CALCR: variants seen among roughly 807,000 people sequenced by gnomAD.
CALCR encodes calcitonin receptor.
A neutral mutation model predicts 59.5 loss-of-function variants in CALCR; 47 were observed. The observed-to-expected ratio is 0.79, with a 90% confidence interval of 0.63 to 1.01. The LOEUF (loss-of-function observed/expected upper bound fraction) is 1.01, where lower values mean the gene tolerates loss of function less well. Among genes scored for constraint, CALCR ranks in the 50% least tolerant of loss-of-function variants. The pLI is 0.00. For missense variants in CALCR, 566 were observed against 597.1 expected (o/e 0.95, Z 0.54); for synonymous variants, 213 against 211.3 (o/e 1.01, Z -0.07).
At chr7:93,444,841 AT>A (rs1321039492) in intron 8 of CALCR, among the ~76,000 whole-genome samples, 2 of 152,066 alleles carry the variant, frequency 1.3e-5, no homozygotes, top group Non-Finnish European at 2.9e-5. Context: ...TTCTTACTTT[AT>A]TTTGAATTTG....
rs1182869187 is a variant in CALCR at position 93,568,553 on chromosome 7, CTCTG to C, written c.-27+5732_-27+5735del. On this transcript the variant is annotated intron_variant, in intron 2 of 13. Coordinates refer to ENST00000426151, the MANE Select transcript of CALCR (RefSeq NM_001742.4). ...TCTCTCTCTCTCTCTCTCTCTCTCT[CTCTG>C]TCTCTCTCCTGTAGTCTTTCATCTC... is the stretch of plus-strand genomic sequence containing the variant. 1.5e-3 allele frequency among the ~76,000 whole-genome samples: 201 copies of C among 137,644 alleles called. 4 individuals carry two copies. The highest frequency in any genetic ancestry group is 5.1e-3 in the African/African-American group (187 of 36,322). 90.3% of individuals were successfully genotyped at this position (137,644 alleles called of 152,430 possible). A position where few individuals can be genotyped will look rare whatever the true frequency, so the allele number is the denominator to read the frequency against.
chr7:93,488,582 G>GGAAAAAAAAAAAAAA (rs770479251), intron 2 of CALCR, among the ~76,000 whole-genome samples: 1 of 78,038 alleles, frequency 1.3e-5, no homozygotes, highest in Non-Finnish European at 2.4e-5. Context: ...CAAATGGAAA[G>GGAAAAAAAAAAAAAA]AAAAAAAAAA....
In CALCR at chr7:93,481,722, A is replaced by G. The variant is rs574502514; in HGVS notation, c.52-2215T>C. Reference sequence around the variant, plus strand: ...CTTCAAATGGACACCAATTGTGAATAAGGTTGACACTACTCTTTAAACATT... The same window carrying G: ...CTTCAAATGGACACCAATTGTGAATGAGGTTGACACTACTCTTTAAACATT... On this transcript the variant is annotated intron_variant, in intron 3 of 13. Coordinates refer to ENST00000426151, the MANE Select transcript of CALCR (RefSeq NM_001742.4). Among the ~76,000 whole-genome samples the G allele has an allele frequency of 9.2e-5, 14 of 152,024 alleles. 1 individual carries two copies. In the South Asian group the frequency reaches 2.9e-3, roughly 31 times the overall value.
At chr7:93,488,735 C>A (rs1190246086) in intron 2 of CALCR, among the ~76,000 whole-genome samples, 1 of 151,522 alleles carries the variant, frequency 6.6e-6, no homozygotes, top group Non-Finnish European at 1.5e-5. Flanking sequence ...ATATATGCAC[C>A]CTATACAGGA....
chr7:93,439,075 A>G (rs1234810465), intron 9 of CALCR, among the ~76,000 whole-genome samples: 5 of 152,194 alleles, frequency 3.3e-5, no homozygotes, highest in Non-Finnish European at 5.9e-5. Context: ...CAACAGTAGA[A>G]TATTGTTTGA....
intron 6 of CALCR, among the ~76,000 whole-genome samples, chr7:93,469,196 C>G (rs529406612): frequency 6.6e-6 from 1 of 151,906 alleles, no homozygotes; most frequent in African/African-American, 2.4e-5. Flanking sequence ...AATCGACTTT[C>G]CAAGCTGTCC....
At chr7:93,521,553 A>C (rs575971828) in intron 2 of CALCR, among the ~76,000 whole-genome samples, 1 of 152,302 alleles carries the variant, frequency 6.6e-6, no homozygotes, top group East Asian at 1.9e-4. Context: ...GCTGACAAGT[A>C]AAAATTACAG....
At chr7:93,492,360 G>T (rs1801100525) in intron 2 of CALCR, among the ~76,000 whole-genome samples, 1 of 150,530 alleles carries the variant, frequency 6.6e-6, no homozygotes, top group Non-Finnish European at 1.5e-5. Flanking sequence ...AACAAAAATA[G>T]TAAAAAAAAA....
intron 13 of CALCR, among the ~76,000 whole-genome samples, chr7:93,433,993 A>G (rs1338712793): frequency 6.6e-6 from 1 of 152,198 alleles, no homozygotes; most frequent in Non-Finnish European, 1.5e-5. Flanking sequence ...AGCTTTCACT[A>G]TTGCTCCTGA....
chr7:93,439,076 T>G (rs1799844904), intron 9 of CALCR, among the ~76,000 whole-genome samples: 1 of 152,140 alleles, frequency 6.6e-6, no homozygotes, highest in Non-Finnish European at 1.5e-5. Flanking sequence ...AACAGTAGAA[T>G]ATTGTTTGAT....
At chr7:93,558,643 T>C (rs1175021290) in intron 2 of CALCR, among the ~76,000 whole-genome samples, 5 of 152,118 alleles carry the variant, frequency 3.3e-5, no homozygotes, top group Non-Finnish European at 7.4e-5. Flanking sequence ...TTTTTTTTCT[T>C]ATTTACACAG....
At chr7:93,478,834 T>C (rs1800728435) in intron 4 of CALCR, among the ~76,000 whole-genome samples, 1 of 151,768 alleles carries the variant, frequency 6.6e-6, no homozygotes. Context: ...CATACAGCCA[T>C]TCTAGAGAAG....
At chr7:93,571,623 C>G (rs1223042686) in intron 2 of CALCR, among the ~76,000 whole-genome samples, 1 of 151,922 alleles carries the variant, frequency 6.6e-6, no homozygotes, top group Non-Finnish European at 1.5e-5. Context: ...TAAATAAATG[C>G]TGCTGTTAAG....
chr7:93,437,443 T>A (rs868861457), intron 11 of CALCR, among the ~76,000 whole-genome samples: 1 of 152,190 alleles, frequency 6.6e-6, no homozygotes, highest in African/African-American at 2.4e-5. Context: ...GATTATTTAA[T>A]CTAACTTTTC....
At chr7:93,542,225 C>T (rs149476708) in intron 2 of CALCR, among the ~76,000 whole-genome samples, 2 of 152,288 alleles carry the variant, frequency 1.3e-5, no homozygotes, top group Admixed American at 6.5e-5. Context: ...TAGCTTACTA[C>T]ACACCTTGGT....
intron 13 of CALCR, among the ~76,000 whole-genome samples, chr7:93,433,834 A>G (rs749865901): frequency 5.9e-5 from 9 of 152,344 alleles, no homozygotes; most frequent in Non-Finnish European, 1.0e-4. Flanking sequence ...CAAAACGCTG[A>G]GTAAGTAGTA....
chr7:93,543,913 T>C (rs1298484139), intron 2 of CALCR, among the ~76,000 whole-genome samples: 1 of 152,158 alleles, frequency 6.6e-6, no homozygotes, highest in African/African-American at 2.4e-5. Context: ...GTACTTAGGG[T>C]ATATTTGTAT....
chr7:93,540,810 T>C (rs1200721588), intron 2 of CALCR, among the ~76,000 whole-genome samples: 2 of 150,266 alleles, frequency 1.3e-5, no homozygotes, highest in Non-Finnish European at 3.0e-5. Context: ...TATACATCTT[T>C]ATTATATTTA....
intron 13 of CALCR, 81 bp downstream of exon 13, chr7:93,434,172 T>C: frequency 1.0e-6 from 1 of 964,462 alleles, no homozygotes; most frequent in Non-Finnish European, 1.7e-6. Context: ...TGAGATGAAA[T>C]GAAATTTGTA....
Sources: allele counts gnomAD v4.1 joint callset (sites outside exome capture counted in the v4.1 genomes callset), GRCh38; gene constraint gnomAD v4.1.1; transcripts MANE v1.5; gene names NCBI Gene and HGNC (gene_info 2026-07-23, HGNC 2026-07-21).